The following AATK variants were observed in gnomAD, a reference collection of about 807,000 sequenced individuals.
The protein encoded by AATK is lemur tail kinase 1, also known as serine/threonine-protein kinase LMTK1.
Under a neutral mutation model 114.3 loss-of-function variants are expected in AATK, and 91 were observed. That is an observed-to-expected ratio of 0.80 (90% confidence interval 0.67 to 0.95). The LOEUF is 0.95. Ranked by LOEUF, AATK falls within the 40% of genes least tolerant of loss-of-function variation. The pLI, the probability that AATK is intolerant of heterozygous loss-of-function variation, is 0.00. For synonymous variants in AATK, 1,075 were observed against 916.5 expected, an observed-to-expected ratio of 1.17 and a Z score of -3.12; for missense variants, 2,176 against 1,965.2, an observed-to-expected ratio of 1.11 and a Z score of -2.03.
chr17:81,145,245 A>G (rs9652894), intron 1 of AATK, among the ~76,000 whole-genome samples: 63,678 of 132,006 alleles, frequency 0.48, 14,728 homozygotes, highest in African/African-American at 0.51. Flanking sequence ...AAAAAAAAAA[A>G]AAAAAGAAAA....
intron 1 of AATK, among the ~76,000 whole-genome samples, chr17:81,140,176 C>T (rs944304675): frequency 6.6e-5 from 10 of 152,256 alleles, no homozygotes; most frequent in Admixed American, 3.3e-4. Context: ...CACGTGCCAC[C>T]GGGCCTGGCT....
chr17:81,120,633 GA>G lies in AATK; in HGVS notation c.3302del (p.Phe1101SerfsTer3). ...PGPSPSCSQF[F>X]LLTPVPLRSE... ...ATCTCAGCGGAACCGGGGTCAGCAG[GA>G]AAAACTGGGAGCAGCTGGGGCTGGG... On this transcript the variant is annotated frameshift_variant, in exon 11 of 14. Coordinates refer to ENST00000326724, the MANE Select transcript of AATK (RefSeq NM_001080395.3). LOFTEE classifies it high-confidence loss of function. 1 of 1,537,146 alleles carries G rather than the reference GA, an allele frequency of 6.5e-7. No individual in the cohort carries two copies. Among genetic ancestry groups the G allele is most frequent in the Non-Finnish European group, 8.7e-7 (1 of 1,146,128 alleles).
At chr17:81,132,756 T>TC (rs1382246054) in intron 2 of AATK, 1 of 236,096 alleles carries the variant, frequency 4.2e-6, no homozygotes, top group Non-Finnish European at 9.0e-6. Flanking sequence ...TCAGCACAGC[T>TC]CCCCACCAGG....
chr17:81,131,035 AC>A, intron 3 of AATK, 25 bp downstream of exon 3: 1 of 1,544,140 alleles, frequency 6.5e-7, no homozygotes. Flanking sequence ...GAGGGAGGCC[AC>A]CCCATCTCCC....
chr17:81,140,104 C>G (rs2061100197), intron 1 of AATK, among the ~76,000 whole-genome samples: 1 of 152,112 alleles, frequency 6.6e-6, no homozygotes, highest in African/African-American at 2.4e-5. Flanking sequence ...CCTGGAACTC[C>G]TGGCCTCAAG....
chr17:81,120,722 A>AGGTGCTG lies in AATK; in HGVS notation c.3207_3213dup (p.Cys1072GlnfsTer47). ...GGCTCTGGGACCAGGCCCGAGGGGCAGGTGCTGGGCTCTGGGGAGGACCCT... is the reference window on the plus strand; with the variant it reads ...GGCTCTGGGACCAGGCCCGAGGGGCAGGTGCTGGGTGCTGGGCTCTGGGGAGGACCCT... On this transcript the variant is annotated frameshift_variant, in exon 11 of 14. Transcript: ENST00000326724. LOFTEE classifies it high-confidence loss of function. 1 of 1,554,590 alleles carries AGGTGCTG rather than the reference A, an allele frequency of 6.4e-7. No individual in the cohort carries two copies. Among genetic ancestry groups the AGGTGCTG allele is most frequent in the Non-Finnish European group, 8.7e-7 (1 of 1,148,558 alleles).
chr17:81,160,488 G>A (rs572145836), intron 1 of AATK, among the ~76,000 whole-genome samples: 2 of 152,358 alleles, frequency 1.3e-5, no homozygotes, highest in African/African-American at 4.8e-5. Context: ...CTGCGGGGGG[G>A]CGGGGAGGCC....
Position 81,131,223 on chromosome 17 carries a change from C to T in AATK, c.190-18G>A. 1 of 1,560,620 alleles carries T rather than the reference C, an allele frequency of 6.4e-7. No individual in the cohort carries two copies. The highest frequency in any genetic ancestry group is 2.3e-5 in the East Asian group (1 of 42,764). On this transcript the variant is annotated intron_variant, in intron 2 of 13. Coordinates refer to ENST00000326724, the MANE Select transcript of AATK (RefSeq NM_001080395.3). ...TCAAACTCCTGCGGGCCGGGCCGGG[C>T]ATGAGCGGGGCTTCTCGCAGGTCAA...
Position 81,120,663 on chromosome 17 carries a change from A to G in AATK, c.3273T>C (p.Pro1091=). ...PEPQGPAKVR[P]GPSPSCSQFF... Reference sequence around the variant, plus strand: ...ACTGGGAGCAGCTGGGGCTGGGCCCAGGCCGCACCTTGGCTGGGCCTTGGG... The same window carrying G: ...ACTGGGAGCAGCTGGGGCTGGGCCCGGGCCGCACCTTGGCTGGGCCTTGGG... Residue 1091 remains proline, a synonymous_variant, in exon 11 of 14, where the codon CCT becomes CCC. Transcript: ENST00000326724. 1 of 1,519,598 alleles carries G rather than the reference A, an allele frequency of 6.6e-7. No homozygotes were observed. The highest frequency in any genetic ancestry group is 1.3e-5 in the South Asian group (1 of 76,512). The allele number at this position is 1,519,598 out of a possible 1,614,324, so 94.1% of individuals were successfully genotyped here.
rs916660983 is a variant in AATK at position 81,120,577 on chromosome 17, G to A, written c.3359C>T (p.Pro1120Leu). The stretch of plus-strand genomic sequence containing the variant: ...GGCCGGCCCTGACAACAGTCCTGGG[G>A]GCCCCTGGAACTCAGAGCTGTTGCC... ...SEGNSSEFQG[P>L]PGLLSGPAPQ... Residue 1120 changes from proline (P) to leucine (L), a missense_variant, in exon 11 of 14, where the codon CCC (proline) becomes CTC (leucine). Coordinates refer to ENST00000326724, the MANE Select transcript of AATK (RefSeq NM_001080395.3). 3 of 1,532,200 alleles carry A rather than the reference G, an allele frequency of 2.0e-6. No individual in the cohort carries two copies. The highest frequency in any genetic ancestry group is 2.2e-5 in the Admixed American group (1 of 45,318). The allele number at this position is 1,532,200 out of a possible 1,614,324, so 94.9% of individuals were successfully genotyped here. A position where few individuals can be genotyped will look rare whatever the true frequency, so the allele number is the denominator to read the frequency against.
At chr17:81,165,794 C>G in intron 1 of AATK, 144 bp downstream of exon 1, 1 of 1,503,706 alleles carries the variant, frequency 6.7e-7, no homozygotes. Context: ...CTGGGGCCGC[C>G]AGGGGGTCCG....
intron 10 of AATK, 53 bp from the exon 11 acceptor site, chr17:81,122,876 C>G (rs1284364442): frequency 1.4e-6 from 2 of 1,390,534 alleles, no homozygotes; most frequent in Non-Finnish European, 1.9e-6. Context: ...GCCAGGAACG[C>G]GTCCCTGGAG....
chr17:81,165,249 C>T (rs2061472327), intron 1 of AATK, among the ~76,000 whole-genome samples: 1 of 152,234 alleles, frequency 6.6e-6, no homozygotes, highest in Non-Finnish European at 1.5e-5. Context: ...TCCCAGCTGT[C>T]CACCACAGCC....
At chr17:81,134,631 AC>A in intron 1 of AATK, 130 bp from the exon 2 acceptor site, 1 of 1,186,294 alleles carries the variant, frequency 8.4e-7, no homozygotes, top group Non-Finnish European at 1.2e-6. Context: ...CTGACCTCTC[AC>A]CCCAGACCCC....
chr17:81,121,823 C>G lies in AATK; in HGVS notation c.2113G>C (p.Ala705Pro). ...SWDPVSAGGHAEGCPSPKQTP... is the reference protein window; with the variant it reads ...SWDPVSAGGHPEGCPSPKQTP... Reference sequence around the variant, plus strand: ...TGCTTTGGACTGGGGCAGCCCTCAGCGTGGCCGCCCGCAGAGACGGGGTCC... The same window carrying G: ...TGCTTTGGACTGGGGCAGCCCTCAGGGTGGCCGCCCGCAGAGACGGGGTCC... The change falls in exon 11 of 14, where the codon GCT becomes CCT. Residue 705 changes from alanine to proline, a missense_variant. Coordinates refer to ENST00000326724, the MANE Select transcript of AATK (RefSeq NM_001080395.3). The G allele has an allele frequency of 6.3e-7, 1 of 1,588,922 alleles. No individual in the cohort carries two copies. Among genetic ancestry groups the G allele is most frequent in the Non-Finnish European group, 8.5e-7 (1 of 1,174,430 alleles).
chr17:81,119,426 G>T lies in AATK; in HGVS notation c.4038C>A (p.Arg1346=). The T allele has an allele frequency of 6.5e-7, 1 of 1,534,622 alleles. No homozygotes were observed. Residue 1346 remains arginine (R), a synonymous_variant, in exon 13 of 14, where the codon CGC becomes CGA. Coordinates refer to ENST00000326724, the MANE Select transcript of AATK (RefSeq NM_001080395.3). The part of the protein sequence containing the change: ...RFTVSPAPTS[R]FSITHVSDSD... ...AGTCAGACACGTGCGTGATGGAGAA[G>T]CGGGACGTGGGCGCGGGCGACACCG...
intron 5 of AATK, 61 bp from the exon 6 acceptor site, chr17:81,127,731 A>T (rs1276160239): frequency 2.0e-6 from 3 of 1,515,624 alleles, no homozygotes; most frequent in Non-Finnish European, 2.7e-6. Context: ...AGTCGGGCCG[A>T]GCAGGGGAGG....
Position 81,151,081 on chromosome 17 carries a change from C to G in AATK, c.55+14857G>C, listed in dbSNP as rs369453730. ...GGGAGGAAGGGGTACTCTGTGCCCC[C>G]CTACGAACCACTGTGAGGCAGACAG... is the stretch of plus-strand genomic sequence containing the variant. On this transcript the variant is annotated intron_variant, in intron 1 of 13. Coordinates refer to ENST00000326724, the MANE Select transcript of AATK (RefSeq NM_001080395.3). 4.6e-5 allele frequency among the ~76,000 whole-genome samples: 7 copies of G among 152,272 alleles called. No individual in the cohort carries two copies. In the East Asian group the frequency reaches 9.7e-4, roughly 21 times the overall value.
chr17:81,121,383 G>C lies in AATK; in HGVS notation c.2553C>G (p.Pro851=). 5 of 1,610,640 alleles carry C rather than the reference G, an allele frequency of 3.1e-6. No homozygotes were observed. Among genetic ancestry groups the C allele is most frequent in the African/African-American group, 1.3e-5 (1 of 75,042 alleles). ...ASALNGSSSS[P]EVEAPSSEDE... is the part of the protein sequence containing the mutation. ...CCTCACTGCTGGGTGCCTCCACCTC[G>C]GGAGAGCTGCTGCTGCCATTCAGGG... Residue 851 remains proline, a synonymous_variant, in exon 11 of 14, where the codon CCC becomes CCG. Transcript: ENST00000326724.
Sources: allele counts gnomAD v4.1 joint callset (sites outside exome capture counted in the v4.1 genomes callset), GRCh38; gene constraint gnomAD v4.1.1; transcripts MANE v1.5; gene names NCBI Gene and HGNC (gene_info 2026-07-23, HGNC 2026-07-21).